Variants in ERBB4 observed in about 807,000 individuals in gnomAD.
ERBB4 encodes erb-b2 receptor tyrosine kinase 4, also known as receptor tyrosine-protein kinase erbB-4.
ERBB4 carries 42 observed loss-of-function variants against 158.0 expected under a neutral mutation model. The observed-to-expected ratio is 0.27, with a 90% confidence interval of 0.21 to 0.34. The LOEUF is 0.34. ERBB4 is among the 10% of genes least tolerant of loss of function. The pLI is 1.00. For synonymous variants in ERBB4, 583 were observed against 558.7 expected (o/e 1.04, Z -0.61); for missense variants, 1,333 against 1,624.1 (o/e 0.82, Z 3.08).
chr2:212,222,054 T>C (rs1559779344), intron 1 of ERBB4, among the ~76,000 whole-genome samples: 1 of 151,580 alleles, frequency 6.6e-6, no homozygotes, highest in Non-Finnish European at 1.5e-5. Context: ...ACAATTATAA[T>C]AGTAGCTTTT....
chr2:212,240,350 C>A (rs1007986701), intron 1 of ERBB4, among the ~76,000 whole-genome samples: 1 of 152,020 alleles, frequency 6.6e-6, no homozygotes, highest in Non-Finnish European at 1.5e-5. Context: ...ATATCCTTAT[C>A]TCTAAAGACG....
At chr2:212,262,241 G>C (rs2084972084) in intron 1 of ERBB4, among the ~76,000 whole-genome samples, 1 of 152,028 alleles carries the variant, frequency 6.6e-6, no homozygotes, top group African/African-American at 2.4e-5. Flanking sequence ...CGGTTATTTT[G>C]TGTAAATTCT....
At chr2:212,498,603 T>A (rs927080300) in intron 1 of ERBB4, among the ~76,000 whole-genome samples, 4 of 152,128 alleles carry the variant, frequency 2.6e-5, no homozygotes, top group African/African-American at 9.6e-5. Flanking sequence ...GCAATTATGA[T>A]TAATTATATT....
chr2:211,852,977 T>C (rs898863075), intron 3 of ERBB4, among the ~76,000 whole-genome samples: 1 of 152,020 alleles, frequency 6.6e-6, no homozygotes, highest in South Asian at 2.1e-4. Flanking sequence ...TTCATGTGAC[T>C]GTTGTTGGTC....
At chr2:211,573,744 C>T (rs2067809993) in intron 19 of ERBB4, among the ~76,000 whole-genome samples, 1 of 151,746 alleles carries the variant, frequency 6.6e-6, no homozygotes, top group African/African-American at 2.4e-5. Context: ...GAAACAATTA[C>T]AATTACTGTA....
intron 12 of ERBB4, among the ~76,000 whole-genome samples, chr2:211,690,585 G>C (rs2072769762): frequency 6.6e-6 from 1 of 152,142 alleles, no homozygotes; most frequent in Non-Finnish European, 1.5e-5. Context: ...ATTCTTTCCA[G>C]ACCAATAGAT....
intron 13 of ERBB4, among the ~76,000 whole-genome samples, chr2:211,674,904 C>T (rs557834005): frequency 6.6e-6 from 1 of 152,172 alleles, no homozygotes; most frequent in South Asian, 2.1e-4. Context: ...TATTCTTCTT[C>T]TCCAAAACCC....
intron 1 of ERBB4, among the ~76,000 whole-genome samples, chr2:212,188,255 C>CCTCCCTCCCTCTTCT (rs1170643154): frequency 1.5e-4 from 7 of 46,912 alleles, no homozygotes; most frequent in Non-Finnish European, 1.9e-4. Flanking sequence ...TCACCCCCTC[C>CCTCCCTCCCTCTTCT]CTCCCTCCCT....
chr2:211,820,757 T>C (rs1347661489), intron 3 of ERBB4, among the ~76,000 whole-genome samples: 4 of 151,838 alleles, frequency 2.6e-5, no homozygotes, highest in African/African-American at 9.7e-5. Context: ...GTGCGGTTTA[T>C]TCCAGAAGTG....
At chr2:212,469,119 C>A (rs1688989684) in intron 1 of ERBB4, among the ~76,000 whole-genome samples, 1 of 152,032 alleles carries the variant, frequency 6.6e-6, no homozygotes, top group Non-Finnish European at 1.5e-5. Flanking sequence ...ATTTAACTCA[C>A]TAAAAAGAAG....
At chr2:211,817,531 A>G (rs182573211) in intron 3 of ERBB4, among the ~76,000 whole-genome samples, 1 of 152,284 alleles carries the variant, frequency 6.6e-6, no homozygotes, top group South Asian at 2.1e-4. Flanking sequence ...GGTATCATAA[A>G]TTTACTTTTC....
chr2:212,146,556 G>A (rs1237244860), intron 1 of ERBB4, among the ~76,000 whole-genome samples: 4 of 152,114 alleles, frequency 2.6e-5, no homozygotes, highest in Non-Finnish European at 4.4e-5. Context: ...GATCTAACTT[G>A]CATAAAACAT....
At chr2:212,143,369 C>T (rs16847782) in intron 1 of ERBB4, among the ~76,000 whole-genome samples, 3,313 of 152,064 alleles carry the variant, frequency 0.022, 124 homozygotes, top group African/African-American at 0.076. Context: ...ATTTACAAAG[C>T]AGTTTTTTCC....
intron 3 of ERBB4, among the ~76,000 whole-genome samples, chr2:211,830,741 T>G (rs1159499228): frequency 2.0e-5 from 3 of 152,032 alleles, no homozygotes; most frequent in African/African-American, 7.2e-5. Context: ...AAAAATAAAA[T>G]ACAACCCAGG....
intron 13 of ERBB4, among the ~76,000 whole-genome samples, chr2:211,674,932 G>A (rs1398327229): frequency 6.6e-6 from 1 of 152,126 alleles, no homozygotes; most frequent in Non-Finnish European, 1.5e-5. Flanking sequence ...CACACGCAGA[G>A]TTGAGGAATA....
chr2:212,268,314 T>TA (rs1181866182), intron 1 of ERBB4, among the ~76,000 whole-genome samples: 4 of 151,730 alleles, frequency 2.6e-5, no homozygotes. Context: ...AAAAGTGAGA[T>TA]AAAAAATGGA....
chr2:211,766,653 A>T (rs1441097370), intron 4 of ERBB4, among the ~76,000 whole-genome samples: 1 of 152,204 alleles, frequency 6.6e-6, no homozygotes, highest in African/African-American at 2.4e-5. Flanking sequence ...TGAACTTGTG[A>T]GTTGTGATGA....
At chr2:211,749,289 C>T (rs1047011079) in intron 5 of ERBB4, among the ~76,000 whole-genome samples, 1 of 152,158 alleles carries the variant, frequency 6.6e-6, no homozygotes, top group Non-Finnish European at 1.5e-5. Flanking sequence ...CCTACAAATT[C>T]ACCTCTAGAA....
At chr2:211,899,865 G>T (rs2125028348) in intron 3 of ERBB4, among the ~76,000 whole-genome samples, 1 of 152,144 alleles carries the variant, frequency 6.6e-6, no homozygotes, top group Admixed American at 6.5e-5. Context: ...TGTCTTGACT[G>T]GCAGCTAATA....
Sources: gnomAD v4.1 joint callset for allele counts (sites outside exome capture counted in the v4.1 genomes callset) on GRCh38, gnomAD v4.1.1 for gene constraint, MANE v1.5 for transcripts, NCBI Gene and HGNC (gene_info 2026-07-23, HGNC 2026-07-21) for gene names.